HIVEP3: variants seen among roughly 807,000 people sequenced by gnomAD.
HIVEP3 encodes transcription factor HIVEP3.
Under a neutral mutation model 152.8 loss-of-function variants are expected in HIVEP3, and 49 were observed. That is an observed-to-expected ratio of 0.32 (90% CI 0.26 to 0.41). The LOEUF (loss-of-function observed/expected upper bound fraction) is 0.41, where lower values mean the gene tolerates loss of function less well. Among genes scored for constraint, HIVEP3 ranks in the 10% least tolerant of loss-of-function variants. The pLI, the probability that HIVEP3 is intolerant of heterozygous loss-of-function variation, is 1.00. For missense variants in HIVEP3, 2,790 were observed against 3,103.3 expected, an observed-to-expected ratio of 0.90 and a Z score of 2.40; for synonymous variants, 1,269 against 1,289.0, an observed-to-expected ratio of 0.98 and a Z score of 0.33.
chr1:42,008,516 G>A (rs1490830096), intron 1 of HIVEP3, among the ~76,000 whole-genome samples: 1 of 152,192 alleles, frequency 6.6e-6, no homozygotes, highest in Non-Finnish European at 1.5e-5. Context: ...CTCCACAATT[G>A]TTATACTGGG....
intron 1 of HIVEP3, among the ~76,000 whole-genome samples, chr1:41,722,176 C>A (rs1204171254): frequency 6.6e-6 from 1 of 152,178 alleles, no homozygotes; most frequent in Non-Finnish European, 1.5e-5. Flanking sequence ...GTATCTCCTT[C>A]GCAGTGTGGA....
chr1:41,746,518 T>C (rs1647074125), intron 1 of HIVEP3, among the ~76,000 whole-genome samples: 1 of 152,152 alleles, frequency 6.6e-6, no homozygotes, highest in Non-Finnish European at 1.5e-5. Context: ...CCTATGAGCA[T>C]GGGGTGCAAG....
At chr1:41,798,490 C>G (rs1650111748) in intron 1 of HIVEP3, among the ~76,000 whole-genome samples, 1 of 152,186 alleles carries the variant, frequency 6.6e-6, no homozygotes, top group South Asian at 2.1e-4. Context: ...GATGCCACAC[C>G]AGGCTGTGCT....
intron 1 of HIVEP3, among the ~76,000 whole-genome samples, chr1:41,871,351 A>T (rs1356697544): frequency 6.6e-6 from 1 of 152,154 alleles, no homozygotes; most frequent in Admixed American, 6.5e-5. Flanking sequence ...ACGAACATGC[A>T]TTTAAAGCTT....
chr1:41,976,439 C>G (rs886167748), intron 1 of HIVEP3, among the ~76,000 whole-genome samples: 4 of 152,222 alleles, frequency 2.6e-5, no homozygotes, highest in African/African-American at 9.6e-5. Flanking sequence ...ACTACAGATT[C>G]ACAAACCTCC....
intron 1 of HIVEP3, among the ~76,000 whole-genome samples, chr1:41,834,978 G>C (rs1221731823): frequency 6.6e-6 from 1 of 152,058 alleles, no homozygotes; most frequent in Non-Finnish European, 1.5e-5. Flanking sequence ...CAGGGGTTTG[G>C]GCCACAGTGG....
In HIVEP3 at chr1:41,906,708, T is replaced by C. The variant is rs566982603; in HGVS notation, c.-801+11705A>G. Among the ~76,000 whole-genome samples, 7 of 152,312 alleles carry C rather than the reference T, an allele frequency of 4.6e-5. No homozygotes were observed. In the East Asian group the frequency reaches 9.6e-4, roughly 21 times the overall value. Reference sequence around the variant, plus strand: ...TAAATTATACTCAATTTAGAAAATATTTTAACAAGAGACTTGATGTCATGC... The same window carrying C: ...TAAATTATACTCAATTTAGAAAATACTTTAACAAGAGACTTGATGTCATGC... On this transcript the variant is annotated intron_variant, in intron 1 of 8. Transcript: ENST00000372583.
intron 1 of HIVEP3, among the ~76,000 whole-genome samples, chr1:41,864,019 A>C (rs1643923130): frequency 6.6e-6 from 1 of 152,212 alleles, no homozygotes; most frequent in Non-Finnish European, 1.5e-5. Context: ...AGACGTGGAG[A>C]GAGGTGAAGA....
At chr1:41,522,492 G>A (rs1244248547) in intron 6 of HIVEP3, among the ~76,000 whole-genome samples, 2 of 152,200 alleles carry the variant, frequency 1.3e-5, no homozygotes, top group Non-Finnish European at 2.9e-5. Flanking sequence ...TTGAGAGCAC[G>A]GCCTCACAGC....
chr1:42,013,038 G>A (rs1645502396), intron 1 of HIVEP3, among the ~76,000 whole-genome samples: 1 of 152,140 alleles, frequency 6.6e-6, no homozygotes, highest in African/African-American at 2.4e-5. Context: ...AAAATTTATT[G>A]TCTACAGTTC....
rs1369445079 is a variant in HIVEP3 at position 41,713,892 on chromosome 1, G to A, written c.-800-12897C>T. 2.0e-5 allele frequency among the ~76,000 whole-genome samples: 3 copies of A among 152,232 alleles called. No homozygotes were observed. The East Asian group carries it at 5.8e-4, about 29-fold the overall frequency. Reference sequence around the variant, plus strand: ...AGAGCTGCAGGATGATGGTGGGAGGGTGGCAGGGAGCTGAGAGCCCCCCGA... The same window carrying A: ...AGAGCTGCAGGATGATGGTGGGAGGATGGCAGGGAGCTGAGAGCCCCCCGA... On this transcript the variant is annotated intron_variant, in intron 1 of 8. Coordinates refer to ENST00000372583, the MANE Select transcript of HIVEP3 (RefSeq NM_024503.5).
chr1:41,809,097 G>T (rs181438266), intron 1 of HIVEP3, among the ~76,000 whole-genome samples: 96 of 152,296 alleles, frequency 6.3e-4, no homozygotes, highest in Non-Finnish European at 2.1e-4. Flanking sequence ...TTACTAGGTG[G>T]TCTCAAGCTA....
chr1:41,744,330 C>T (rs75287016), intron 1 of HIVEP3, among the ~76,000 whole-genome samples: 65 of 152,336 alleles, frequency 4.3e-4, no homozygotes, highest in Non-Finnish European at 5.7e-4. Context: ...TGAGCCATCA[C>T]GCCTGGCCCA....
upstream of HIVEP3, among the ~76,000 whole-genome samples, chr1:41,919,209 T>TG (rs145825866): frequency 0.037 from 5,565 of 152,256 alleles, 320 homozygotes; most frequent in African/African-American, 0.13. Flanking sequence ...AGCTTCTCAG[T>TG]ACTAATTGGC....
At chr1:41,956,149 AC>A (rs1645139411) in intron 1 of HIVEP3, among the ~76,000 whole-genome samples, 1 of 152,218 alleles carries the variant, frequency 6.6e-6, no homozygotes, top group Non-Finnish European at 1.5e-5. Context: ...GCAAATTATA[AC>A]AGTCAGGAGA....
rs1642482024 is a variant in HIVEP3 at position 41,513,040 on chromosome 1, G to A, written c.6181C>T (p.Pro2061Ser). ...GTGGGCGAGTATCTGGGGAGGCCTG[G>A]GTCGGTGGTACCCTCGAGTTTGGAG... The part of the protein sequence containing the change: ...VLSKLEGTTD[P>S]GLPRYSPTRR... Residue 2061 changes from proline (P) to serine (S), a missense_variant, in exon 8 of 9, where the codon CCA becomes TCA. Coordinates refer to ENST00000372583, the MANE Select transcript of HIVEP3 (RefSeq NM_024503.5). The A allele has an allele frequency of 6.2e-7, 1 of 1,613,808 alleles. No individual in the cohort carries two copies.
intron 1 of HIVEP3, among the ~76,000 whole-genome samples, chr1:41,853,404 C>A (rs1293438996): frequency 6.6e-6 from 1 of 152,162 alleles, no homozygotes; most frequent in East Asian, 1.9e-4. Context: ...GGAAGCAAGG[C>A]ACCCTCTTCA....
At chr1:41,696,462 A>G (rs1646276132) in intron 2 of HIVEP3, among the ~76,000 whole-genome samples, 1 of 152,272 alleles carries the variant, frequency 6.6e-6, no homozygotes, top group South Asian at 2.1e-4. Context: ...CACCGTTGGC[A>G]GCTGTCTACA....
chr1:41,699,032 G>A (rs922815340), intron 2 of HIVEP3, among the ~76,000 whole-genome samples: 3 of 152,188 alleles, frequency 2.0e-5, no homozygotes, highest in Non-Finnish European at 4.4e-5. Context: ...ATTAAGGCAC[G>A]CACGCTGACT....
Sources: allele counts gnomAD v4.1 joint callset (sites outside exome capture counted in the v4.1 genomes callset), GRCh38; gene constraint gnomAD v4.1.1; transcripts MANE v1.5; gene names NCBI Gene and HGNC (gene_info 2026-07-23, HGNC 2026-07-21).